Variants in KLHL2 observed in about 807,000 individuals in gnomAD.
KLHL2 encodes the protein kelch like family member 2.
In KLHL2, 15 loss-of-function variants were observed where a neutral mutation model predicts 75.8. That is an observed-to-expected ratio of 0.20 (90% CI 0.13 to 0.30). The LOEUF is 0.30. Among genes scored for constraint, KLHL2 ranks in the 10% least tolerant of loss-of-function variants. The pLI, the probability that KLHL2 is intolerant of heterozygous loss-of-function variation, is 1.00. For missense variants in KLHL2, 381 were observed against 741.0 expected (o/e 0.51, Z 5.64); for synonymous variants, 214 against 251.9 (o/e 0.85, Z 1.42).
At chr4:165,229,947 T>C (rs1738748740) in intron 3 of KLHL2, among the ~76,000 whole-genome samples, 2 of 152,258 alleles carry the variant, frequency 1.3e-5, no homozygotes, top group African/African-American at 4.8e-5. Context: ...GTTTTCAGCC[T>C]TTTATGATCT....
At chr4:165,257,092 C>A (rs1432590604) in intron 4 of KLHL2, among the ~76,000 whole-genome samples, 1 of 152,114 alleles carries the variant, frequency 6.6e-6, no homozygotes, top group Admixed American at 6.5e-5. Flanking sequence ...ATTAATAGTT[C>A]TTTAGCTAAG....
intron 4 of KLHL2, among the ~76,000 whole-genome samples, chr4:165,258,720 C>G (rs1741405256): frequency 6.6e-6 from 1 of 152,130 alleles, no homozygotes; most frequent in Non-Finnish European, 1.5e-5. Context: ...ACATTTGTTA[C>G]CAATAGTACA....
At chr4:165,293,602 A>G (rs975049574) in intron 5 of KLHL2, among the ~76,000 whole-genome samples, 5 of 148,280 alleles carry the variant, frequency 3.4e-5, no homozygotes, top group Admixed American at 6.8e-5. Context: ...TCCCAGGTTC[A>G]TTGCCATTCT....
chr4:165,289,636 C>A (rs980769055), intron 5 of KLHL2, among the ~76,000 whole-genome samples: 11 of 148,052 alleles, frequency 7.4e-5, no homozygotes, highest in Non-Finnish European at 1.2e-4. Context: ...TTCTTTGATA[C>A]ACTAGGAAAG....
chr4:165,300,533 G>T (rs1745269758), intron 8 of KLHL2, among the ~76,000 whole-genome samples: 1 of 151,980 alleles, frequency 6.6e-6, no homozygotes, highest in Non-Finnish European at 1.5e-5. Context: ...ATTTTCCTAT[G>T]TGAATGTTTA....
intron 5 of KLHL2, among the ~76,000 whole-genome samples, chr4:165,288,343 A>G (rs1260529309): frequency 6.6e-6 from 1 of 152,012 alleles, no homozygotes; most frequent in Non-Finnish European, 1.5e-5. Flanking sequence ...AACGGTATAC[A>G]TTGAAAGAGT....
At chr4:165,277,535 T>A (rs1371410883) in intron 5 of KLHL2, among the ~76,000 whole-genome samples, 5 of 152,248 alleles carry the variant, frequency 3.3e-5, no homozygotes, top group Non-Finnish European at 7.3e-5. Flanking sequence ...AGCTGCTCAT[T>A]TTTAACAGGT....
At chr4:165,248,160 A>G (rs990299898) in intron 4 of KLHL2, among the ~76,000 whole-genome samples, 4 of 152,240 alleles carry the variant, frequency 2.6e-5, no homozygotes, top group Admixed American at 6.5e-5. Flanking sequence ...GAGCAAGACT[A>G]CATGAGTGGG....
chr4:165,208,007 G>A (rs1736945269), intron 1 of KLHL2, 105 bp downstream of exon 1: 1 of 764,396 alleles, frequency 1.3e-6, no homozygotes, highest in Admixed American at 4.7e-5. Flanking sequence ...CGGGGCCGGC[G>A]GGAGGTGGGA....
At chr4:165,239,785 T>A (rs868074569) in intron 4 of KLHL2, among the ~76,000 whole-genome samples, 1 of 152,206 alleles carries the variant, frequency 6.6e-6, no homozygotes, top group African/African-American at 2.4e-5. Flanking sequence ...TTGATTCACT[T>A]CTTCTTCTCT....
chr4:165,263,490 T>G (rs1741869550), intron 5 of KLHL2, 131 bp downstream of exon 5: 4 of 1,314,886 alleles, frequency 3.0e-6, no homozygotes, highest in Non-Finnish European at 4.1e-6. Context: ...TAAAATCTTA[T>G]AATGGTCACA....
chr4:165,299,038 C>T (rs144826629), intron 7 of KLHL2, among the ~76,000 whole-genome samples: 242 of 145,894 alleles, frequency 1.7e-3, no homozygotes, highest in African/African-American at 5.9e-3. Context: ...GTTATGGGTA[C>T]GTTGCTTTAA....
At chr4:165,272,897 C>G (rs1490879412) in intron 5 of KLHL2, among the ~76,000 whole-genome samples, 1 of 152,276 alleles carries the variant, frequency 6.6e-6, no homozygotes, top group East Asian at 1.9e-4. Context: ...TATTCACTTT[C>G]AGTAAAATTA....
rs374908568 is a variant in KLHL2 at position 165,268,780 on chromosome 4, G to A, written c.544+5421G>A. Among the ~76,000 whole-genome samples, 5 of 152,322 alleles carry A rather than the reference G, an allele frequency of 3.3e-5. No individual in the cohort carries two copies. In the East Asian group the frequency reaches 7.7e-4, roughly 24 times the overall value. On this transcript the variant is annotated intron_variant, in intron 5 of 14. Coordinates refer to ENST00000226725, the MANE Select transcript of KLHL2 (RefSeq NM_007246.4). ...AGTGCAATGTGGTGCTGAGAAGAAT[G>A]TATATTCTGTTGATTTGGGGTGGAG... is the stretch of plus-strand genomic sequence containing the variant.
intron 5 of KLHL2, among the ~76,000 whole-genome samples, chr4:165,289,100 T>A (rs1016452735): frequency 1.1e-4 from 17 of 152,152 alleles, no homozygotes; most frequent in Admixed American, 1.0e-3. Flanking sequence ...TTCCTGACTG[T>A]GTAAAGTGTT....
At position 165,323,057 on chromosome 4, in the gene KLHL2, C is replaced by A. The variant is rs778670358; in HGVS notation, c.*997C>A. ...AGTAGCCATGTGTGTTGATCAGATA[C>A]AGTTTTTCTGAGATCTTCAATTAAT... On this transcript the variant is annotated 3_prime_UTR_variant, in exon 15 of 15. Transcript: ENST00000226725. The A allele has an allele frequency of 2.0e-5, 3 of 152,562 alleles. No individual in the cohort carries two copies. Among genetic ancestry groups the A allele is most frequent in the Non-Finnish European group, 4.4e-5 (3 of 68,012 alleles). The allele number at this position is 152,562 out of a possible 1,614,324, so 9.5% of individuals were successfully genotyped here.
intron 5 of KLHL2, among the ~76,000 whole-genome samples, chr4:165,285,876 G>A (rs1384257329): frequency 6.6e-6 from 1 of 152,200 alleles, no homozygotes; most frequent in African/African-American, 2.4e-5. Flanking sequence ...AGGGAACACG[G>A]GAGGTCCAGC....
chr4:165,207,908 T>C lies in KLHL2; in HGVS notation c.26+6T>C. 5 of 1,427,450 alleles carry C rather than the reference T, an allele frequency of 3.5e-6. No individual in the cohort carries two copies. Among genetic ancestry groups the C allele is most frequent in the Non-Finnish European group, 3.7e-6 (4 of 1,082,734 alleles). The allele number at this position is 1,427,450 out of a possible 1,614,324, so 88.4% of individuals were successfully genotyped here. On this transcript the variant is annotated splice_donor_region_variant and intron_variant, in intron 1 of 14. Coordinates refer to ENST00000226725, the MANE Select transcript of KLHL2 (RefSeq NM_007246.4). The surrounding 1 kb of genome is among the most constrained non-coding windows in gnomAD (Gnocchi z 4.2). ...ACGCCGCCGCTGCCTCCCGCGTGAG[T>C]GAGCGGGCGGGCGGGCTGCGCCGCT... is the stretch of plus-strand genomic sequence containing the variant.
chr4:165,321,585 AT>A (rs1261518173), intron 14 of KLHL2, among the ~76,000 whole-genome samples: 1 of 152,132 alleles, frequency 6.6e-6, no homozygotes, highest in East Asian at 1.9e-4. Context: ...AAAATTATAC[AT>A]GGGTTTTTGA....
Sources: gnomAD v4.1 joint callset for allele counts (sites outside exome capture counted in the v4.1 genomes callset) on GRCh38, gnomAD v4.1.1 for gene constraint, Gnocchi (gnomAD v3.1) non-coding constraint, MANE v1.5 for transcripts, NCBI Gene and HGNC (gene_info 2026-07-23, HGNC 2026-07-21) for gene names.